The following FBXO21 variants were observed in gnomAD, a reference collection of about 807,000 sequenced individuals.
FBXO21 encodes F-box only protein 21.
In FBXO21, 32 loss-of-function variants were observed where a neutral mutation model predicts 76.6. The ratio of observed to expected loss-of-function variants is 0.42; its 90% confidence interval spans 0.32 to 0.56. The LOEUF (loss-of-function observed/expected upper bound fraction) is 0.56, where lower values mean the gene tolerates loss of function less well. Ranked by LOEUF, FBXO21 falls within the 20% of genes least tolerant of loss-of-function variation. FBXO21 has a pLI of 0.16. For missense variants in FBXO21, 586 were observed against 797.3 expected (o/e 0.73, Z 3.19); for synonymous variants, 328 against 311.5 (o/e 1.05, Z -0.56).
rs75001674 is a variant in FBXO21 at position 117,159,907 on chromosome 12, G to A, written c.1327-1844C>T. On this transcript the variant is annotated intron_variant, in intron 9 of 11. Coordinates refer to ENST00000622495, the MANE Select transcript of FBXO21 (RefSeq NM_015002.3). ...GCTGGATGTGTGGCTGAGCGCGAAG[G>A]GAGAGGGCAGAAATGAAGACATTGT... Among the ~76,000 whole-genome samples, 1,575 of 152,334 alleles carry A rather than the reference G, an allele frequency of 0.01. 138 individuals are homozygous for A. In the East Asian group the frequency reaches 0.24, roughly 23 times the overall value.
chr12:117,165,146 A>T (rs931309360), intron 9 of FBXO21, among the ~76,000 whole-genome samples: 3 of 152,174 alleles, frequency 2.0e-5, no homozygotes, highest in Non-Finnish European at 2.9e-5. Flanking sequence ...GTACAGCTGG[A>T]GGTTGACCAT....
intron 3 of FBXO21, among the ~76,000 whole-genome samples, chr12:117,181,457 A>G (rs2135882612): frequency 6.6e-6 from 1 of 152,206 alleles, no homozygotes; most frequent in African/African-American, 2.4e-5. Flanking sequence ...AAATCCAGCA[A>G]TTTTACTAAA....
intron 11 of FBXO21, among the ~76,000 whole-genome samples, chr12:117,153,483 CT>C (rs1955870517): frequency 6.6e-6 from 1 of 152,216 alleles, no homozygotes; most frequent in South Asian, 2.1e-4. Context: ...TGCCCGGGGG[CT>C]GTTACAGAGG....
At chr12:117,155,636 T>G in intron 11 of FBXO21, 155 bp downstream of exon 11, 1 of 842,006 alleles carries the variant, frequency 1.2e-6, no homozygotes, top group Non-Finnish European at 1.8e-6. Context: ...CCAGCCACGT[T>G]TAGCTGACTG....
intron 6 of FBXO21, among the ~76,000 whole-genome samples, chr12:117,173,532 TAACAGATGCA>T (rs1164865673): frequency 6.6e-6 from 1 of 152,116 alleles, no homozygotes; most frequent in Admixed American, 6.5e-5. Context: ...AAAATAAATA[TAACAGATGCA>T]AACTTGACAC....
At chr12:117,151,291 T>G (rs1416746036) in intron 11 of FBXO21, among the ~76,000 whole-genome samples, 1 of 152,068 alleles carries the variant, frequency 6.6e-6, no homozygotes, top group East Asian at 1.9e-4. Flanking sequence ...CGCGCCCCCT[T>G]GTGGGAACAC....
At chr12:117,172,864 T>C (rs528562155) in intron 6 of FBXO21, among the ~76,000 whole-genome samples, 1 of 152,306 alleles carries the variant, frequency 6.6e-6, no homozygotes, top group Admixed American at 6.5e-5. Flanking sequence ...GTTAATACTA[T>C]TCAAAGACAT....
At chr12:117,164,430 C>T (rs1956026676) in intron 9 of FBXO21, among the ~76,000 whole-genome samples, 1 of 152,090 alleles carries the variant, frequency 6.6e-6, no homozygotes, top group Non-Finnish European at 1.5e-5. Context: ...GTTCCCACCA[C>T]CACGCCCAGC....
chr12:117,190,099 A>G, intron 1 of FBXO21, 119 bp downstream of exon 1: 1 of 346,030 alleles, frequency 2.9e-6, no homozygotes, highest in Non-Finnish European at 4.0e-6. Flanking sequence ...GTCCGCGGGA[A>G]GGGGTCCGGG....
At chr12:117,147,164 C>T (rs901104208) in intron 11 of FBXO21, among the ~76,000 whole-genome samples, 1 of 151,560 alleles carries the variant, frequency 6.6e-6, no homozygotes, top group Non-Finnish European at 1.5e-5. Context: ...ATCGCTTGAA[C>T]CTGGGAGGAG....
chr12:117,167,161 G>A, intron 7 of FBXO21, 84 bp from the exon 8 acceptor site: 1 of 1,003,632 alleles, frequency 1.0e-6, no homozygotes, highest in South Asian at 1.5e-5. Flanking sequence ...ATCATGGGCT[G>A]AAGGTTGAGA....
rs565656700 is a variant in FBXO21 at position 117,146,000 on chromosome 12, G to A, written c.*87C>T. On this transcript the variant is annotated 3_prime_UTR_variant, in exon 12 of 12. Coordinates refer to ENST00000622495, the MANE Select transcript of FBXO21 (RefSeq NM_015002.3). ...TGGCTTTCCTGGTGCAGCAGGTCCC[G>A]AGGGCTCCGTGGAGACGTCTTCTTC... is the stretch of plus-strand genomic sequence containing the variant. The A allele has an allele frequency of 9.4e-6, 11 of 1,174,866 alleles. No homozygotes were observed. Among genetic ancestry groups the A allele is most frequent in the Admixed American group, 8.0e-5 (3 of 37,390 alleles). 72.8% of individuals were successfully genotyped at this position (1,174,866 alleles called of 1,614,324 possible). A position where few individuals can be genotyped will look rare whatever the true frequency, so the allele number is the denominator to read the frequency against.
chr12:117,190,437 T>C lies in FBXO21; in HGVS notation c.20A>G (p.Asp7Gly), dbSNP rs774693281. 14 of 1,402,652 alleles carry C rather than the reference T, an allele frequency of 1.0e-5. No individual in the cohort carries two copies. Among genetic ancestry groups the C allele is most frequent in the Middle Eastern group, 4.0e-4 (2 of 5,038 alleles). The allele number at this position is 1,402,652 out of a possible 1,614,324, so 86.9% of individuals were successfully genotyped here. The stretch of plus-strand genomic sequence containing the variant: ...CGCCGGCACCACCTCCATCGCGCTG[T>C]CGACTGCTGCCGCCGCCATCTTGTC... MAAAAV[D>G]SAMEVVPALA... The change falls in exon 1 of 12, where the codon GAC (aspartate) becomes GGC (glycine). Residue 7 changes from aspartate to glycine, a missense_variant. Asp to Gly is a moderately conservative substitution (Grantham distance 94). Transcript: ENST00000622495.
chr12:117,174,184 T>A, intron 6 of FBXO21, 21 bp downstream of exon 6: 1 of 1,585,184 alleles, frequency 6.3e-7, no homozygotes. Flanking sequence ...TATACCCATA[T>A]ATTACTGTAC....
At chr12:117,167,174 A>G (rs1018349616) in intron 7 of FBXO21, 97 bp from the exon 8 acceptor site, 1 of 897,480 alleles carries the variant, frequency 1.1e-6, no homozygotes, top group African/African-American at 1.7e-5. Flanking sequence ...GGTTGAGACC[A>G]TAACATTTCT....
Position 117,158,061 on chromosome 12 carries a change from C to T in FBXO21, c.1329G>A (p.Val443=). 6.2e-7 allele frequency: 1 copy of T among 1,614,102 alleles called. No individual in the cohort carries two copies. The highest frequency in any genetic ancestry group is 8.5e-7 in the Non-Finnish European group (1 of 1,180,010). ...YFHLGIWPEK[V]LDILQHIQTL... is the part of the protein sequence containing the mutation. ...TTTGGATGTGCTGGAGGATGTCAAG[C>T]ACCTTCAAAACAAGACAGAAAGACT... Residue 443 remains valine, a splice_region_variant and synonymous_variant, in exon 10 of 12, where the codon GTG becomes GTA. Coordinates refer to ENST00000622495, the MANE Select transcript of FBXO21 (RefSeq NM_015002.3).
chr12:117,157,906 C>G lies in FBXO21; in HGVS notation c.1484G>C (p.Cys495Ser). The G allele has an allele frequency of 1.2e-6, 2 of 1,612,896 alleles. No homozygotes were observed. Among genetic ancestry groups the G allele is most frequent in the Non-Finnish European group, 8.5e-7 (1 of 1,179,118 alleles). ...LRSDEKHRDV[C>S]YSIGLIMKHK... ...CTTCATAATGAGCCCGATGGAGTAG[C>G]AGACATCTCTGTGCTTCTCATCGGA... is the stretch of plus-strand genomic sequence containing the variant. Residue 495 changes from cysteine (C) to serine (S), a missense_variant, in exon 10 of 12, where the codon TGC becomes TCC. Physicochemically the swap from Cys to Ser is moderately radical, Grantham distance 112. Transcript: ENST00000622495.
chr12:117,153,720 G>A (rs1232101865), intron 11 of FBXO21, among the ~76,000 whole-genome samples: 2 of 152,234 alleles, frequency 1.3e-5, no homozygotes, highest in Non-Finnish European at 2.9e-5. Flanking sequence ...TGATGGAGCC[G>A]CCGGCAGAAG....
chr12:117,155,999 C>G, intron 10 of FBXO21, 51 bp from the exon 11 acceptor site: 2 of 1,582,920 alleles, frequency 1.3e-6, no homozygotes, highest in South Asian at 2.2e-5. Context: ...GCCGCAACAA[C>G]CTCCAGACAA....
Sources: gnomAD v4.1 joint callset for allele counts (sites outside exome capture counted in the v4.1 genomes callset) on GRCh38, gnomAD v4.1.1 for gene constraint, MANE v1.5 for transcripts, NCBI Gene and HGNC (gene_info 2026-07-23, HGNC 2026-07-21) for gene names.